Variants in CLUAP1 observed in about 807,000 individuals in gnomAD.
CLUAP1 encodes clusterin-associated protein 1.
CLUAP1 carries 50 observed loss-of-function variants against 55.0 expected under a neutral mutation model. The observed-to-expected ratio is 0.91, with a 90% CI of 0.72 to 1.15. The LOEUF (loss-of-function observed/expected upper bound fraction) is 1.15, where lower values mean the gene tolerates loss of function less well. CLUAP1 is among the 50% of genes most tolerant of loss of function. The pLI is 0.00. For missense variants in CLUAP1, 530 were observed against 507.6 expected (o/e 1.04, Z -0.42); for synonymous variants, 195 against 175.4 (o/e 1.11, Z -0.88).
At chr16:3,510,298 A>ATT (rs562528367) in intron 4 of CLUAP1, among the ~76,000 whole-genome samples, 18 of 129,642 alleles carry the variant, frequency 1.4e-4, no homozygotes, top group East Asian at 1.3e-3. Flanking sequence ...CCGGCTTTGT[A>ATT]TTTTTTTTTT....
upstream of CLUAP1, chr16:3,496,395 C>T (rs1370569275): frequency 8.6e-7 from 1 of 1,161,146 alleles, no homozygotes; most frequent in Non-Finnish European, 1.3e-6. Flanking sequence ...CTGTCCGTTT[C>T]CCGGATGATC....
At chr16:3,524,353 G>A (rs557763044) in intron 8 of CLUAP1, among the ~76,000 whole-genome samples, 64 of 151,460 alleles carry the variant, frequency 4.2e-4, no homozygotes, top group African/African-American at 1.4e-3. Context: ...TGTAATCCCA[G>A]CACTTTGGGA....
chr16:3,519,848 A>G, intron 6 of CLUAP1, 55 bp from the exon 7 acceptor site: 2 of 1,533,712 alleles, frequency 1.3e-6, no homozygotes, highest in Non-Finnish European at 1.7e-6. Context: ...TCTTCTAAGA[A>G]TTAGGATGGC....
intron 2 of CLUAP1, among the ~76,000 whole-genome samples, chr16:3,506,080 G>A (rs1003700180): frequency 2.6e-5 from 4 of 152,208 alleles, no homozygotes; most frequent in Non-Finnish European, 4.4e-5. Context: ...ATGACATGGT[G>A]AGATCTGAGA....
chr16:3,499,626 CTG>C (rs1245219098), upstream of CLUAP1, among the ~76,000 whole-genome samples: 1 of 152,194 alleles, frequency 6.6e-6, no homozygotes, highest in African/African-American at 2.4e-5. Context: ...TCTAATTAGA[CTG>C]TTTCTCATTA....
chr16:3,520,531 T>A (rs2037814381), intron 7 of CLUAP1, among the ~76,000 whole-genome samples: 1 of 152,196 alleles, frequency 6.6e-6, no homozygotes, highest in Admixed American at 6.5e-5. Flanking sequence ...AGCAGATGGC[T>A]AAACTCATTC....
chr16:3,517,811 T>C (rs1221646654), intron 6 of CLUAP1, among the ~76,000 whole-genome samples: 3 of 152,268 alleles, frequency 2.0e-5, no homozygotes, highest in African/African-American at 7.2e-5. Context: ...CAAAGCCGGA[T>C]TGAGGGGCAT....
Position 3,506,404 on chromosome 16 carries a change from G to A in CLUAP1, c.208G>A (p.Ala70Thr). 2 of 1,613,256 alleles carry A rather than the reference G, an allele frequency of 1.2e-6. No individual in the cohort carries two copies. The highest frequency in any genetic ancestry group is 1.7e-6 in the Non-Finnish European group (2 of 1,179,208). Residue 70 changes from alanine to threonine, a missense_variant, in exon 3 of 12, where the codon GCC (alanine) becomes ACC (threonine). Ala to Thr is a moderately conservative substitution (Grantham distance 58). Transcript: ENST00000576634. ...QDRVFFIKAIAQFMATKAHIK... is the reference protein window; with the variant it reads ...QDRVFFIKAITQFMATKAHIK... ...CCGAGTTTTCTTCATTAAGGCAATT[G>A]CCCAGTTCATGGTTAGTGGACACTT...
chr16:3,506,151 G>A (rs550841180), intron 2 of CLUAP1, among the ~76,000 whole-genome samples, 180 bp from the exon 3 acceptor site: 2 of 152,316 alleles, frequency 1.3e-5, no homozygotes, highest in Admixed American at 1.3e-4. Flanking sequence ...TTTCTTAGGT[G>A]GGGATTTGCT....
At chr16:3,515,772 C>T (rs1018561130) in intron 6 of CLUAP1, among the ~76,000 whole-genome samples, 181 bp downstream of exon 6, 1 of 152,024 alleles carries the variant, frequency 6.6e-6, no homozygotes, top group African/African-American at 2.4e-5. Context: ...TTTTTCCCCT[C>T]GTTATAAATA....
At chr16:3,525,357 C>T (rs1387783028) in intron 8 of CLUAP1, among the ~76,000 whole-genome samples, 4 of 152,110 alleles carry the variant, frequency 2.6e-5, no homozygotes, top group Admixed American at 6.6e-5. Flanking sequence ...AGGAAACTTC[C>T]CAGGGAGCCC....
In CLUAP1 at chr16:3,532,968, C is replaced by G. The variant is rs1195999948; in HGVS notation, c.1092+127C>G. On this transcript the variant is annotated intron_variant, in intron 11 of 11. Transcript: ENST00000576634. ...TGGTCAGCCCGGCCGTGCCTCGATG[C>G]GTGGCAGGGTTTGGCCTCATGAGGC... The G allele has an allele frequency of 4.4e-6, 6 of 1,355,136 alleles. No individual in the cohort carries two copies. The Admixed American group carries it at 5.6e-5, about 13-fold the overall frequency. The allele number at this position is 1,355,136 out of a possible 1,614,324, so 83.9% of individuals were successfully genotyped here. A position where few individuals can be genotyped will look rare whatever the true frequency, so the allele number is the denominator to read the frequency against.
At chr16:3,497,053 T>C (rs1351020875), upstream of CLUAP1, among the ~76,000 whole-genome samples, 1 of 151,990 alleles carries the variant, frequency 6.6e-6, no homozygotes, top group Non-Finnish European at 1.5e-5. Context: ...GTATTTTTAG[T>C]AGAGACAGGC....
Position 3,506,354 on chromosome 16 carries a change from C to T in CLUAP1, c.158C>T (p.Pro53Leu), listed in dbSNP as rs199714320. 1.2e-5 allele frequency: 19 copies of T among 1,613,992 alleles called. No individual in the cohort carries two copies. The highest frequency in any genetic ancestry group is 1.6e-4 in the Middle Eastern group (1 of 6,062). The change falls in exon 3 of 12, where the codon CCG becomes CTG. Residue 53 changes from proline (P) to leucine (L), a missense_variant. Pro to Leu is a moderately conservative substitution (Grantham distance 98, BLOSUM62 -3). Coordinates refer to ENST00000576634, the MANE Select transcript of CLUAP1 (RefSeq NM_015041.3). ...VKRYEPQTDIPPDVDTEQDRV... is the reference protein window; with the variant it reads ...VKRYEPQTDILPDVDTEQDRV... ...AGATATGAGCCCCAGACTGACATCC[C>T]GCCTGACGTGGATACTGAACAGGAC...
At chr16:3,527,400 G>T (rs530728374) in intron 9 of CLUAP1, among the ~76,000 whole-genome samples, 1 of 152,270 alleles carries the variant, frequency 6.6e-6, no homozygotes, top group Admixed American at 6.5e-5. Context: ...GTTATGCCCA[G>T]ACAGGGCCAC....
chr16:3,500,366 A>ATTTT (rs35022426), upstream of CLUAP1, among the ~76,000 whole-genome samples: 20 of 115,542 alleles, frequency 1.7e-4, no homozygotes, highest in Non-Finnish European at 3.4e-4. Flanking sequence ...AGTATAGTGC[A>ATTTT]TTTTTTTTTT....
intron 7 of CLUAP1, among the ~76,000 whole-genome samples, 182 bp from the exon 8 acceptor site, chr16:3,522,976 A>G (rs1235527820): frequency 2.0e-5 from 3 of 152,118 alleles, no homozygotes; most frequent in Non-Finnish European, 4.4e-5. Context: ...AAAAAGAAGT[A>G]TGTTCATTTT....
At chr16:3,498,239 T>C (rs150303458), upstream of CLUAP1, among the ~76,000 whole-genome samples, 655 of 152,166 alleles carry the variant, frequency 4.3e-3, 8 homozygotes, top group African/African-American at 0.014. Flanking sequence ...TTTGTCATAA[T>C]TGGGCACCCA....
At chr16:3,517,038 G>A (rs767679281) in intron 6 of CLUAP1, among the ~76,000 whole-genome samples, 1 of 151,992 alleles carries the variant, frequency 6.6e-6, no homozygotes, top group Non-Finnish European at 1.5e-5. Flanking sequence ...GTTTTCACTG[G>A]CATAAAAAAA....
Sources: gnomAD v4.1 joint callset for allele counts (sites outside exome capture counted in the v4.1 genomes callset) on GRCh38, gnomAD v4.1.1 for gene constraint, MANE v1.5 for transcripts, NCBI Gene and HGNC (gene_info 2026-07-23, HGNC 2026-07-21) for gene names.